NELL1: variants seen among roughly 807,000 people sequenced by gnomAD.
NELL1 encodes neural EGFL like 1.
A neutral mutation model predicts 107.4 loss-of-function variants in NELL1; 76 were observed. The ratio of observed to expected loss-of-function variants is 0.71; its 90% CI spans 0.59 to 0.86. The LOEUF (loss-of-function observed/expected upper bound fraction) is 0.86. NELL1 is among the 40% of genes least tolerant of loss of function. The pLI is 0.00. For missense variants in NELL1, 1,024 were observed against 1,005.5 expected (o/e 1.02, Z -0.25); for synonymous variants, 353 against 341.2 (o/e 1.03, Z -0.38).
chr11:21,312,189 G>T (rs1315557659), intron 14 of NELL1, among the ~76,000 whole-genome samples: 1 of 152,130 alleles, frequency 6.6e-6, no homozygotes, highest in Non-Finnish European at 1.5e-5. Context: ...TAAGTAAACT[G>T]AGGTGTAGAT....
At chr11:21,151,866 C>T (rs1312623869) in intron 13 of NELL1, among the ~76,000 whole-genome samples, 3 of 152,188 alleles carry the variant, frequency 2.0e-5, no homozygotes, top group Non-Finnish European at 2.9e-5. Context: ...TGAAGTATTA[C>T]ACAAAGTAAG....
chr11:20,806,990 C>T (rs760279601), intron 3 of NELL1, among the ~76,000 whole-genome samples: 1 of 151,698 alleles, frequency 6.6e-6, no homozygotes, highest in African/African-American at 2.4e-5. Flanking sequence ...ACAACTATTT[C>T]GAATTCTGTC....
intron 15 of NELL1, among the ~76,000 whole-genome samples, chr11:21,462,564 A>G (rs1853924913): frequency 6.6e-6 from 1 of 152,080 alleles, no homozygotes; most frequent in Admixed American, 6.6e-5. Context: ...AAACTGTATT[A>G]TCTAGAGAGG....
At chr11:20,769,757 C>G (rs752439473) in intron 2 of NELL1, among the ~76,000 whole-genome samples, 17 of 152,180 alleles carry the variant, frequency 1.1e-4, no homozygotes, top group Non-Finnish European at 2.4e-4. Context: ...GATGTTGTCC[C>G]CACGGAGCCC....
At chr11:20,738,719 C>T (rs917509720) in intron 2 of NELL1, among the ~76,000 whole-genome samples, 2 of 152,134 alleles carry the variant, frequency 1.3e-5, no homozygotes, top group African/African-American at 4.8e-5. Flanking sequence ...ATCTATTTCC[C>T]AGGGTATTGT....
intron 13 of NELL1, among the ~76,000 whole-genome samples, chr11:21,191,544 C>T (rs1300481952): frequency 6.6e-6 from 1 of 151,876 alleles, no homozygotes; most frequent in African/African-American, 2.4e-5. Context: ...CTATAAGGCA[C>T]TATTTTTGGT....
chr11:21,525,156 G>C (rs906401914), intron 15 of NELL1, among the ~76,000 whole-genome samples: 6 of 152,128 alleles, frequency 3.9e-5, no homozygotes, highest in Admixed American at 3.3e-4. Flanking sequence ...ATACAGAAAG[G>C]CTTCAGAGAT....
chr11:20,891,011 A>C (rs1849606192), intron 5 of NELL1, among the ~76,000 whole-genome samples: 1 of 152,074 alleles, frequency 6.6e-6, no homozygotes, highest in African/African-American at 2.4e-5. Flanking sequence ...TACAAAGAAC[A>C]CCATTAAGAT....
At chr11:20,811,020 G>T (rs117493376) in intron 3 of NELL1, among the ~76,000 whole-genome samples, 87 of 152,068 alleles carry the variant, frequency 5.7e-4, no homozygotes, top group Non-Finnish European at 1.2e-3. Flanking sequence ...CTATTTGTCT[G>T]TTTGCTTTTA....
At chr11:21,232,026 C>T (rs146032807) in intron 14 of NELL1, among the ~76,000 whole-genome samples, 21 of 151,224 alleles carry the variant, frequency 1.4e-4, no homozygotes, top group Non-Finnish European at 1.9e-4. Flanking sequence ...TAAGGCCAGG[C>T]GCAGTGGATC....
chr11:20,802,294 G>C (rs533470727), intron 3 of NELL1, among the ~76,000 whole-genome samples: 2 of 152,058 alleles, frequency 1.3e-5, no homozygotes, highest in Non-Finnish European at 2.9e-5. Flanking sequence ...TCTGTATAGA[G>C]ATCTTTCACT....
At chr11:21,163,880 A>C (rs1360328592) in intron 13 of NELL1, among the ~76,000 whole-genome samples, 1 of 152,046 alleles carries the variant, frequency 6.6e-6, no homozygotes. Context: ...TTGGGGGTTA[A>C]GGCTTCAATA....
chr11:21,165,079 A>C (rs553983182), intron 13 of NELL1, among the ~76,000 whole-genome samples: 309 of 152,278 alleles, frequency 2.0e-3, no homozygotes, highest in African/African-American at 6.6e-3. Flanking sequence ...AGTTATTGTT[A>C]TTAATCTTGA....
At chr11:21,545,138 T>C (rs1856405783) in intron 16 of NELL1, among the ~76,000 whole-genome samples, 1 of 152,086 alleles carries the variant, frequency 6.6e-6, no homozygotes, top group African/African-American at 2.4e-5. Flanking sequence ...CCAGTCATAA[T>C]GTTTTTGACA....
intron 15 of NELL1, among the ~76,000 whole-genome samples, chr11:21,393,683 A>G (rs1022744427): frequency 2.0e-5 from 3 of 151,722 alleles, no homozygotes; most frequent in African/African-American, 7.2e-5. Context: ...TACAGTAGAT[A>G]GATTAGAAAC....
intron 15 of NELL1, among the ~76,000 whole-genome samples, chr11:21,501,420 G>T (rs1236304520): frequency 1.3e-5 from 2 of 152,124 alleles, no homozygotes; most frequent in Non-Finnish European, 2.9e-5. Context: ...TGGATACTGT[G>T]TTTAAGATTT....
chr11:20,755,078 A>G (rs1362065164), intron 2 of NELL1, among the ~76,000 whole-genome samples: 2 of 152,194 alleles, frequency 1.3e-5, no homozygotes, highest in African/African-American at 2.4e-5. Flanking sequence ...CTGACTCATC[A>G]TCAGCCGTTT....
intron 13 of NELL1, among the ~76,000 whole-genome samples, chr11:21,202,117 G>C (rs567392638): frequency 6.6e-6 from 1 of 152,166 alleles, no homozygotes; most frequent in Non-Finnish European, 1.5e-5. Context: ...GCCAGGTTTG[G>C]TGTCAGGAGG....
At chr11:20,684,674 G>T (rs1854266079) in intron 2 of NELL1, among the ~76,000 whole-genome samples, 1 of 152,028 alleles carries the variant, frequency 6.6e-6, no homozygotes, top group Admixed American at 6.6e-5. Flanking sequence ...TTGGTACTGA[G>T]CTTTTGTGTA....
Sources: gnomAD v4.1 joint callset for allele counts (sites outside exome capture counted in the v4.1 genomes callset) on GRCh38, gnomAD v4.1.1 for gene constraint, MANE v1.5 for transcripts, NCBI Gene and HGNC (gene_info 2026-07-23, HGNC 2026-07-21) for gene names.